TMEM114: variants seen among roughly 807,000 people sequenced by gnomAD.
The protein encoded by TMEM114 is transmembrane protein 114.
In TMEM114, 6 loss-of-function variants were observed where a neutral mutation model predicts 6.2. The ratio of observed to expected loss-of-function variants is 0.97; its 90% confidence interval spans 0.53 to 1.91. The LOEUF is 1.91. Among genes scored for constraint, TMEM114 ranks in the 40% most tolerant of loss-of-function variants. The pLI is 0.01. For missense variants in TMEM114, 218 were observed against 158.3 expected, an observed-to-expected ratio of 1.38 and a Z score of -2.02; for synonymous variants, 104 against 73.0, an observed-to-expected ratio of 1.42 and a Z score of -2.16.
downstream of TMEM114, among the ~76,000 whole-genome samples, chr16:8,534,973 T>A (rs746298775): frequency 2.6e-5 from 4 of 152,182 alleles, no homozygotes; most frequent in Non-Finnish European, 4.4e-5. Flanking sequence ...ATCATCCCCT[T>A]CTCCATCGGT....
intron 2 of TMEM114, among the ~76,000 whole-genome samples, chr16:8,576,001 G>A (rs757541321): frequency 2.6e-5 from 4 of 152,090 alleles, no homozygotes; most frequent in East Asian, 3.9e-4. Context: ...CTGGCATGGC[G>A]CTCATAGCTA....
intron 2 of TMEM114, among the ~76,000 whole-genome samples, chr16:8,581,240 T>C (rs186486815): frequency 6.6e-6 from 1 of 152,346 alleles, no homozygotes; most frequent in Non-Finnish European, 1.5e-5. Context: ...CATCTTAATA[T>C]ATTCTTTTTA....
At chr16:8,574,676 C>T (rs932873368) in intron 2 of TMEM114, among the ~76,000 whole-genome samples, 4 of 151,766 alleles carry the variant, frequency 2.6e-5, no homozygotes, top group African/African-American at 9.7e-5. Context: ...TAAAATCCAT[C>T]CCCCCACACA....
At chr16:8,543,180 T>C (rs1265914092) in intron 2 of TMEM114, among the ~76,000 whole-genome samples, 2 of 152,194 alleles carry the variant, frequency 1.3e-5, no homozygotes, top group Non-Finnish European at 2.9e-5. Flanking sequence ...ACAGACTGAC[T>C]ACAGAGCAAA....
downstream of TMEM114, among the ~76,000 whole-genome samples, chr16:8,532,739 A>G (rs953241567): frequency 6.6e-6 from 1 of 152,132 alleles, no homozygotes; most frequent in Non-Finnish European, 1.5e-5. Context: ...CCTGGCTAAC[A>G]TGGTGAAACC....
At chr16:8,576,467 C>A (rs1000809725) in intron 2 of TMEM114, among the ~76,000 whole-genome samples, 3 of 152,186 alleles carry the variant, frequency 2.0e-5, no homozygotes, top group Admixed American at 1.3e-4. Flanking sequence ...CCCCACTGGT[C>A]TCTGGCTGGA....
At chr16:8,560,683 G>A (rs899721185) in intron 2 of TMEM114, among the ~76,000 whole-genome samples, 1 of 152,110 alleles carries the variant, frequency 6.6e-6, no homozygotes, top group Non-Finnish European at 1.5e-5. Context: ...TGGGCCTCAG[G>A]CTCCTGTCTG....
At chr16:8,528,539 T>G in the TMEM114 span, among the ~76,000 whole-genome samples, 388 of 152,264 alleles carry the variant, frequency 2.5e-3, 5 homozygotes, top group African/African-American at 8.8e-3. Context: ...GGGAGCATGC[T>G]TTCACCAAGA....
At chr16:8,552,589 T>G (rs9921593) in intron 2 of TMEM114, among the ~76,000 whole-genome samples, 1 of 151,696 alleles carries the variant, frequency 6.6e-6, no homozygotes, top group Non-Finnish European at 1.5e-5. Context: ...AGCTTTGATA[T>G]TGCACTGCAG....
chr16:8,573,474 A>G (rs530817945), intron 2 of TMEM114, among the ~76,000 whole-genome samples: 9 of 152,290 alleles, frequency 5.9e-5, no homozygotes, highest in African/African-American at 2.2e-4. Flanking sequence ...TGAGGGGTGA[A>G]TGGAGGAGGA....
intron 2 of TMEM114, among the ~76,000 whole-genome samples, chr16:8,548,367 C>A (rs1293394170): frequency 6.6e-6 from 1 of 152,208 alleles, no homozygotes; most frequent in Admixed American, 6.5e-5. Flanking sequence ...CCGGGTGGCA[C>A]CTCTATAGCT....
intron 3 of TMEM114, 84 bp from the exon 4 acceptor site, chr16:8,570,089 G>T: frequency 1.4e-6 from 2 of 1,473,798 alleles, no homozygotes; most frequent in Non-Finnish European, 1.8e-6. Context: ...GCCCAGCCAC[G>T]CTGCTCAGCG....
At chr16:8,567,066 A>ATT (rs34500863), downstream of TMEM114, among the ~76,000 whole-genome samples, 103 of 144,444 alleles carry the variant, frequency 7.1e-4, 1 homozygote, top group African/African-American at 2.4e-3. Flanking sequence ...ACAGCTGGCT[A>ATT]TTTTTTTTTT....
At chr16:8,567,066 A>AATTTTT (rs1045389642), downstream of TMEM114, among the ~76,000 whole-genome samples, 15 of 144,444 alleles carry the variant, frequency 1.0e-4, no homozygotes, top group South Asian at 1.8e-3. Context: ...ACAGCTGGCT[A>AATTTTT]TTTTTTTTTT....
chr16:8,587,174 G>A (rs1902345809), intron 2 of TMEM114, among the ~76,000 whole-genome samples: 1 of 151,786 alleles, frequency 6.6e-6, no homozygotes. Flanking sequence ...TTCCCAGCAT[G>A]CCTCTGGACT....
chr16:8,571,042 T>C (rs1901717478), intron 3 of TMEM114, among the ~76,000 whole-genome samples: 1 of 152,092 alleles, frequency 6.6e-6, no homozygotes, highest in Non-Finnish European at 1.5e-5. Flanking sequence ...ATGAGAACTT[T>C]GCAATATTTT....
At chr16:8,562,646 GA>G (rs1901297304) in intron 2 of TMEM114, among the ~76,000 whole-genome samples, 1 of 151,894 alleles carries the variant, frequency 6.6e-6, no homozygotes. Context: ...GTCAGTAAGT[GA>G]ATGAATGAGT....
chr16:8,578,667 A>T (rs1902026296), intron 2 of TMEM114, among the ~76,000 whole-genome samples: 1 of 152,172 alleles, frequency 6.6e-6, no homozygotes, highest in Admixed American at 6.5e-5. Flanking sequence ...TGTGGTTATT[A>T]CACGGAATTA....
In TMEM114 at chr16:8,569,844, G is replaced by C; in HGVS notation, c.601C>G (p.Leu201Val). 3 of 1,551,010 alleles carry C rather than the reference G, an allele frequency of 1.9e-6. No homozygotes were observed. Among genetic ancestry groups the C allele is most frequent in the East Asian group, 2.4e-5 (1 of 40,898 alleles). Reference sequence around the variant, plus strand: ...GCTGCCAGGAAGGCTGCCCCGGTGAGCAGCTCGGCGATGAAGCTGATCCAG... The same window carrying C: ...GCTGCCAGGAAGGCTGCCCCGGTGACCAGCTCGGCGATGAAGCTGATCCAG... Reference protein sequence around the residue: ...LGWISFIAELLTGAAFLAAAR... With the variant: ...LGWISFIAELVTGAAFLAAAR... The change falls in exon 4 of 4, where the codon CTC becomes GTC. Residue 201 changes from leucine to valine, a missense_variant. By Grantham distance (32) the Leu-to-Val change is conservative (BLOSUM62 1). Transcript: ENST00000620492.
Sources: allele counts gnomAD v4.1 joint callset (sites outside exome capture counted in the v4.1 genomes callset), GRCh38; gene constraint gnomAD v4.1.1; transcripts MANE v1.5; gene names NCBI Gene and HGNC (gene_info 2026-07-23, HGNC 2026-07-21).